The following MYO5A variants were observed in gnomAD, a reference collection of about 807,000 sequenced individuals.
MYO5A encodes myosin VA, also known as unconventional myosin-Va.
Under a neutral mutation model 249.7 loss-of-function variants are expected in MYO5A, and 98 were observed. That is an observed-to-expected ratio of 0.39 (90% CI 0.33 to 0.46). The LOEUF (loss-of-function observed/expected upper bound fraction) is 0.46. Ranked by LOEUF, MYO5A falls within the 20% of genes least tolerant of loss-of-function variation. The pLI is 0.98. For missense variants in MYO5A, 1,696 were observed against 2,308.8 expected, an observed-to-expected ratio of 0.73 and a Z score of 5.44; for synonymous variants, 778 against 810.6, an observed-to-expected ratio of 0.96 and a Z score of 0.68.
intron 1 of MYO5A, among the ~76,000 whole-genome samples, chr15:52,471,507 C>G (rs1274505338): frequency 6.6e-6 from 1 of 151,540 alleles, no homozygotes; most frequent in East Asian, 1.9e-4. Context: ...GTAGTCCCAG[C>G]TACTTGGGAC....
chr15:52,410,963 A>G (rs1337266342), intron 5 of MYO5A, among the ~76,000 whole-genome samples: 2 of 152,156 alleles, frequency 1.3e-5, no homozygotes, highest in African/African-American at 4.8e-5. Context: ...ACAGATATAT[A>G]CTAATTGTTT....
chr15:52,427,488 T>C (rs1387619867), intron 3 of MYO5A, among the ~76,000 whole-genome samples: 1 of 151,988 alleles, frequency 6.6e-6, no homozygotes, highest in Non-Finnish European at 1.5e-5. Flanking sequence ...TAGACAAGAC[T>C]TCACTGAGAA....
intron 1 of MYO5A, among the ~76,000 whole-genome samples, chr15:52,460,522 T>C (rs1383753494): frequency 6.6e-6 from 1 of 152,106 alleles, no homozygotes; most frequent in Admixed American, 6.5e-5. Context: ...GGCGCGCGCC[T>C]GCAATCCCAG....
rs573223441 is a variant in MYO5A at position 52,396,506 on chromosome 15, T to C, written c.1320-109A>G. ...AAAGAAGTGGGACATTCCCCAACAT[T>C]GTAAAACTTTCTTTCCATATCAGTG... On this transcript the variant is annotated intron_variant, in intron 10 of 41. Coordinates refer to ENST00000399233, the MANE Select transcript of MYO5A (RefSeq NM_001382347.1). The C allele has an allele frequency of 4.3e-5, 29 of 682,206 alleles. 1 individual carries two copies. The highest frequency in any genetic ancestry group is 3.6e-4 in the Middle Eastern group (1 of 2,746). The allele number at this position is 682,206 out of a possible 1,614,324, so 42.3% of individuals were successfully genotyped here.
chr15:52,454,981 C>G (rs1347778512), intron 1 of MYO5A, among the ~76,000 whole-genome samples: 1 of 150,558 alleles, frequency 6.6e-6, no homozygotes, highest in South Asian at 2.1e-4. Context: ...AAGACCAGAG[C>G]AGAAATAAAT....
intron 32 of MYO5A, among the ~76,000 whole-genome samples, chr15:52,338,147 G>C (rs1341214064): frequency 6.7e-6 from 1 of 150,022 alleles, no homozygotes; most frequent in Non-Finnish European, 1.5e-5. Flanking sequence ...CCCAGATAAG[G>C]CTGTCATTTC....
intron 11 of MYO5A, among the ~76,000 whole-genome samples, chr15:52,392,901 T>C (rs2042311341): frequency 6.6e-6 from 1 of 152,164 alleles, no homozygotes; most frequent in Non-Finnish European, 1.5e-5. Flanking sequence ...TAACGTGAAC[T>C]ATAAGAGCAA....
chr15:52,473,851 C>T (rs1282568385), intron 1 of MYO5A, among the ~76,000 whole-genome samples: 6 of 152,118 alleles, frequency 3.9e-5, no homozygotes, highest in African/African-American at 1.4e-4. Flanking sequence ...GTTCTTTTGG[C>T]GTAGGATTGT....
At chr15:52,384,054 G>A (rs2041874802) in intron 15 of MYO5A, 107 bp downstream of exon 15, 3 of 1,365,890 alleles carry the variant, frequency 2.2e-6, no homozygotes, top group Non-Finnish European at 3.1e-6. Flanking sequence ...AAAGCTCTAG[G>A]CTCTCCTCAC....
At chr15:52,391,839 T>C (rs1402253764) in intron 12 of MYO5A, 91 bp downstream of exon 12, 10 of 1,334,268 alleles carry the variant, frequency 7.5e-6, no homozygotes, top group African/African-American at 2.9e-5. Context: ...CATTCCATGA[T>C]ATACTAATGA....
At chr15:52,500,699 CG>C (rs1004286409) in intron 1 of MYO5A, among the ~76,000 whole-genome samples, 26 of 152,036 alleles carry the variant, frequency 1.7e-4, no homozygotes, top group African/African-American at 6.3e-4. Flanking sequence ...GGTTGTTTGT[CG>C]TTGAGTTGTA....
At chr15:52,511,222 C>A (rs540689578) in intron 1 of MYO5A, among the ~76,000 whole-genome samples, 1 of 152,228 alleles carries the variant, frequency 6.6e-6, no homozygotes, top group African/African-American at 2.4e-5. Flanking sequence ...TCCTTAAAAC[C>A]CCTGGCCAGT....
intron 1 of MYO5A, among the ~76,000 whole-genome samples, chr15:52,436,317 G>A (rs1482076519): frequency 6.6e-6 from 1 of 152,182 alleles, no homozygotes; most frequent in Admixed American, 6.5e-5. Flanking sequence ...CAACCTCTAA[G>A]CCGGCACTAT....
chr15:52,309,271 T>C lies in MYO5A; in HGVS notation c.*4425A>G, dbSNP rs981498902. ...ATTGCATCCTCCCAGAGAGCACTGA[T>C]TCATGACAGAAGTCAAGCTGAGTTA... On this transcript the variant is annotated 3_prime_UTR_variant, in exon 42 of 42. Coordinates refer to ENST00000399233, the MANE Select transcript of MYO5A (RefSeq NM_001382347.1). 11 of 152,208 alleles carry C rather than the reference T, an allele frequency of 7.2e-5. No individual in the cohort carries two copies. Among genetic ancestry groups the C allele is most frequent in the African/African-American group, 2.4e-4 (10 of 41,440 alleles). The allele number at this position is 152,208 out of a possible 1,614,324, so 9.4% of individuals were successfully genotyped here.
chr15:52,403,322 C>A (rs1168046230), intron 9 of MYO5A, among the ~76,000 whole-genome samples: 1 of 152,066 alleles, frequency 6.6e-6, no homozygotes, highest in Non-Finnish European at 1.5e-5. Context: ...CTCAAATATC[C>A]AACAATCAAC....
At chr15:52,507,677 A>C (rs1188392000) in intron 1 of MYO5A, among the ~76,000 whole-genome samples, 6 of 151,872 alleles carry the variant, frequency 4.0e-5, no homozygotes, top group Non-Finnish European at 7.4e-5. Flanking sequence ...TCAGCAGGGC[A>C]TAGTGGCATG....
chr15:52,358,792 T>A lies in MYO5A; in HGVS notation c.3423+1176A>T, dbSNP rs536201448. ...TGAGTAATAATAAATTACTGTTTTT[T>A]AAAAAAAAAACACTAAAACTTGAGA... On this transcript the variant is annotated intron_variant, in intron 25 of 41. Transcript: ENST00000399233. Among the ~76,000 whole-genome samples, 65 of 149,396 alleles carry A rather than the reference T, an allele frequency of 4.4e-4. 1 individual carries two copies. The highest frequency in any genetic ancestry group is 1.2e-3 in the East Asian group (6 of 5,128).
At chr15:52,527,146 G>A (rs1416945338) in intron 1 of MYO5A, among the ~76,000 whole-genome samples, 1 of 152,226 alleles carries the variant, frequency 6.6e-6, no homozygotes, top group Admixed American at 6.5e-5. Context: ...CAAACTTGAT[G>A]TAGAAGTGGA....
rs1478248092 is a variant in MYO5A, at chr15:52,447,945, C to G, written c.28-14660G>C. The stretch of plus-strand genomic sequence containing the variant: ...GCCTGGAAGTCCACACAGAAGCCTG[C>G]TGCAGAGGCAGAGCCTTCATGGAGA... On this transcript the variant is annotated intron_variant, in intron 1 of 41. Coordinates refer to ENST00000399233, the MANE Select transcript of MYO5A (RefSeq NM_001382347.1). Among the ~76,000 whole-genome samples, 3 of 152,346 alleles carry G rather than the reference C, an allele frequency of 2.0e-5. No individual in the cohort carries two copies. In the East Asian group the frequency reaches 5.8e-4, roughly 29 times the overall value.
Sources: gnomAD v4.1 joint callset for allele counts (sites outside exome capture counted in the v4.1 genomes callset) on GRCh38, gnomAD v4.1.1 for gene constraint, MANE v1.5 for transcripts, NCBI Gene and HGNC (gene_info 2026-07-23, HGNC 2026-07-21) for gene names.